The following DYNLRB1 variants were observed in gnomAD, a reference collection of about 807,000 sequenced individuals.
The protein encoded by DYNLRB1 is ROBL/LC7-like 1.
In DYNLRB1, 6 loss-of-function variants were observed where a neutral mutation model predicts 13.5. The ratio of observed to expected loss-of-function variants is 0.44; its 90% confidence interval spans 0.24 to 0.88. The LOEUF (loss-of-function observed/expected upper bound fraction) is 0.88, where lower values mean the gene tolerates loss of function less well. Ranked by LOEUF, DYNLRB1 falls within the 40% of genes least tolerant of loss-of-function variation. DYNLRB1 has a pLI of 0.21. For missense variants in DYNLRB1, 93 were observed against 127.2 expected (o/e 0.73, Z 1.29); for synonymous variants, 43 against 45.0 (o/e 0.96, Z 0.18).
At chr20:34,536,008 GC>G (rs1312232507) in intron 3 of DYNLRB1, 1 of 985,272 alleles carries the variant, frequency 1.0e-6, no homozygotes, top group Non-Finnish European at 1.2e-6. Flanking sequence ...CTGTCACCAG[GC>G]CTGGAAGGAT....
chr20:34,539,779 G>A (rs758774394), intron 3 of DYNLRB1, among the ~76,000 whole-genome samples: 1 of 151,990 alleles, frequency 6.6e-6, no homozygotes, highest in Non-Finnish European at 1.5e-5. Context: ...AGTGCTACGT[G>A]AGCCACCACG....
intron 1 of DYNLRB1, among the ~76,000 whole-genome samples, chr20:34,519,983 A>T (rs1979577444): frequency 6.6e-6 from 1 of 152,114 alleles, no homozygotes; most frequent in South Asian, 2.1e-4. Flanking sequence ...AAAATACGAA[A>T]AGTAGCCGGA....
Position 34,522,160 on chromosome 20 carries a change from C to G in DYNLRB1, c.4-4108C>G, listed in dbSNP as rs367640902. On this transcript the variant is annotated intron_variant, in intron 1 of 3. Coordinates refer to ENST00000357156, the MANE Select transcript of DYNLRB1 (RefSeq NM_014183.4). ...GCTCACTTGTTTAAGTCTCTTTCACCAGAATGTGAGCTCCCTGAGGGCAGG... is the reference window on the plus strand; with the variant it reads ...GCTCACTTGTTTAAGTCTCTTTCACGAGAATGTGAGCTCCCTGAGGGCAGG... Among the ~76,000 whole-genome samples, 67 of 152,280 alleles carry G rather than the reference C, an allele frequency of 4.4e-4. 1 individual carries two copies. In the South Asian group the frequency reaches 0.013, roughly 31 times the overall value.
chr20:34,521,297 C>A (rs1178997689), intron 1 of DYNLRB1, among the ~76,000 whole-genome samples: 1 of 152,184 alleles, frequency 6.6e-6, no homozygotes, highest in Admixed American at 6.5e-5. Context: ...CAGGTGTGAG[C>A]ACCACGCCCA....
intron 1 of DYNLRB1, among the ~76,000 whole-genome samples, chr20:34,522,469 CTTTT>C (rs771811577): frequency 0.024 from 1,825 of 77,084 alleles, 10 homozygotes; most frequent in Non-Finnish European, 0.034. Context: ...TTTTCTTTTT[CTTTT>C]TTTTTTTTTT....
intron 3 of DYNLRB1, chr20:34,535,074 A>G (rs1600552887): frequency 1.0e-6 from 1 of 985,402 alleles, no homozygotes; most frequent in Non-Finnish European, 1.2e-6. Context: ...AGAAAACTCA[A>G]AGGCATTTGG....
intron 3 of DYNLRB1, among the ~76,000 whole-genome samples, chr20:34,539,252 T>C (rs867909231): frequency 6.6e-6 from 1 of 152,212 alleles, no homozygotes; most frequent in Non-Finnish European, 1.5e-5. Flanking sequence ...TTGGACTTGC[T>C]GTGATTTAAT....
At chr20:34,530,924 G>A (rs906602083) in intron 2 of DYNLRB1, 1 of 152,098 alleles carries the variant, frequency 6.6e-6, no homozygotes, top group Non-Finnish European at 1.5e-5. Context: ...CAATACTTTC[G>A]AGCCATCTGC....
chr20:34,526,485 CTTTTTT>C (rs386393667), intron 2 of DYNLRB1, 142 bp downstream of exon 2: 40 of 238,884 alleles, frequency 1.7e-4, no homozygotes, highest in East Asian at 3.9e-4. Context: ...CTCCAGTGTT[CTTTTTT>C]TTTTTTTTTT....
At chr20:34,526,083 C>T (rs554490468) in intron 1 of DYNLRB1, among the ~76,000 whole-genome samples, 185 bp from the exon 2 acceptor site, 1 of 152,310 alleles carries the variant, frequency 6.6e-6, no homozygotes, top group African/African-American at 2.4e-5. Flanking sequence ...TGAGCGGATG[C>T]TCTGGGCACT....
intron 3 of DYNLRB1, among the ~76,000 whole-genome samples, chr20:34,538,919 T>C (rs1378593291): frequency 6.6e-6 from 1 of 152,236 alleles, no homozygotes; most frequent in Non-Finnish European, 1.5e-5. Flanking sequence ...TTACCCTGGA[T>C]TGGGCAAGCC....
intron 1 of DYNLRB1, among the ~76,000 whole-genome samples, chr20:34,525,804 A>G (rs1016078925): frequency 2.0e-5 from 3 of 152,168 alleles, no homozygotes; most frequent in African/African-American, 4.8e-5. Context: ...GCATCACACT[A>G]TCTCAGATGC....
chr20:34,533,427 G>A (rs1168060465), intron 2 of DYNLRB1: 2 of 970,914 alleles, frequency 2.1e-6, no homozygotes, highest in Non-Finnish European at 2.4e-6. Context: ...CGGCCATGTG[G>A]ACAGTGTGTT....
chr20:34,539,463 C>G (rs969655949), intron 3 of DYNLRB1, among the ~76,000 whole-genome samples: 1 of 152,104 alleles, frequency 6.6e-6, no homozygotes, highest in Non-Finnish European at 1.5e-5. Context: ...GAGGATCACT[C>G]GAGCCCAGGA....
chr20:34,517,558 A>G (rs1287888573), intron 1 of DYNLRB1, among the ~76,000 whole-genome samples: 3 of 151,858 alleles, frequency 2.0e-5, no homozygotes, highest in South Asian at 2.1e-4. Context: ...ATACATGCAT[A>G]TGATGTGTAA....
intron 1 of DYNLRB1, chr20:34,516,721 G>C (rs1173494138): frequency 1.3e-6 from 2 of 1,539,404 alleles, no homozygotes; most frequent in Non-Finnish European, 1.8e-6. Flanking sequence ...AGAGATGATG[G>C]GCGAGGGGTG....
At chr20:34,537,985 C>CCTTTTT (rs572461384) in intron 3 of DYNLRB1, among the ~76,000 whole-genome samples, 4 of 94,876 alleles carry the variant, frequency 4.2e-5, no homozygotes, top group African/African-American at 8.6e-5. Flanking sequence ...CGTGAACAGG[C>CCTTTTT]TTTTTTTTTT....
In DYNLRB1 at chr20:34,516,442, T is replaced by C. The variant is rs762431984; in HGVS notation, c.-17T>C. ...TCGCTAAGTGTTCGCTACGCGGGGC[T>C]ACCGGATCGGTCGGAAATGGTGAGC... On this transcript the variant is annotated 5_prime_UTR_variant, in exon 1 of 4. Transcript: ENST00000357156. 6.8e-6 allele frequency: 11 copies of C among 1,613,278 alleles called. No individual in the cohort carries two copies. The African/African-American group carries it at 8.0e-5, about 12-fold the overall frequency.
intron 1 of DYNLRB1, among the ~76,000 whole-genome samples, chr20:34,518,574 A>G (rs554814041): frequency 5.3e-5 from 8 of 151,438 alleles, no homozygotes; most frequent in African/African-American, 1.9e-4. Context: ...TAATTCCCCA[A>G]GTATCTGGGA....
Sources: gnomAD v4.1 joint callset for allele counts (sites outside exome capture counted in the v4.1 genomes callset) on GRCh38, gnomAD v4.1.1 for gene constraint, MANE v1.5 for transcripts, NCBI Gene and HGNC (gene_info 2026-07-23, HGNC 2026-07-21) for gene names.